The following ZNF521 variants were observed in gnomAD, a reference collection of about 807,000 sequenced individuals.
The protein encoded by ZNF521 is LYST-interacting protein 3.
In ZNF521, 14 loss-of-function variants were observed where a neutral mutation model predicts 105.5. The ratio of observed to expected loss-of-function variants is 0.13; its 90% CI spans 0.09 to 0.21. The LOEUF (loss-of-function observed/expected upper bound fraction) is 0.21, where lower values mean the gene tolerates loss of function less well. ZNF521 is among the 10% of genes least tolerant of loss of function. The pLI is 1.00. For synonymous variants in ZNF521, 635 were observed against 606.0 expected (o/e 1.05, Z -0.70); for missense variants, 1,233 against 1,629.7 (o/e 0.76, Z 4.19).
At chr18:25,317,897 G>A (rs988010589) in intron 3 of ZNF521, among the ~76,000 whole-genome samples, 3 of 152,088 alleles carry the variant, frequency 2.0e-5, no homozygotes, top group South Asian at 2.1e-4. Flanking sequence ...TTGAAAAAGG[G>A]TTTGGAAGTT....
At chr18:25,170,748 T>C (rs1034339334) in intron 5 of ZNF521, among the ~76,000 whole-genome samples, 1 of 152,158 alleles carries the variant, frequency 6.6e-6, no homozygotes, top group African/African-American at 2.4e-5. Context: ...TTGAAGGCCA[T>C]GCACATTTTT....
At chr18:25,294,458 G>A (rs1325255900) in intron 3 of ZNF521, among the ~76,000 whole-genome samples, 4 of 152,142 alleles carry the variant, frequency 2.6e-5, no homozygotes, top group African/African-American at 9.7e-5. Flanking sequence ...CTAGACACTA[G>A]TAGCAAACTC....
chr18:25,235,940 C>T (rs1906861763), intron 3 of ZNF521, among the ~76,000 whole-genome samples: 1 of 66,016 alleles, frequency 1.5e-5, no homozygotes. Flanking sequence ...CTACAATTAT[C>T]CATATGCCTT....
intron 2 of ZNF521, among the ~76,000 whole-genome samples, chr18:25,337,349 T>C (rs1913949734): frequency 6.6e-6 from 1 of 152,052 alleles, no homozygotes; most frequent in African/African-American, 2.4e-5. Flanking sequence ...GAGAAAAAAC[T>C]ACCACCCACA....
intron 2 of ZNF521, among the ~76,000 whole-genome samples, chr18:25,332,908 G>A (rs182240899): frequency 2.0e-5 from 3 of 152,244 alleles, no homozygotes; most frequent in Admixed American, 1.3e-4. Flanking sequence ...AAAAGTGAAC[G>A]TGTACGCCAT....
chr18:25,348,098 A>T (rs896060190), intron 2 of ZNF521, among the ~76,000 whole-genome samples: 1 of 152,234 alleles, frequency 6.6e-6, no homozygotes, highest in African/African-American at 2.4e-5. Context: ...TCAGTTATTC[A>T]TAAATGAAGA....
At chr18:25,250,579 T>C (rs750188470) in intron 3 of ZNF521, among the ~76,000 whole-genome samples, 9 of 152,230 alleles carry the variant, frequency 5.9e-5, no homozygotes, top group Non-Finnish European at 1.0e-4. Flanking sequence ...TAGAGATTAA[T>C]GTCTGTATGG....
At chr18:25,293,351 T>TACACACACAC (rs55818021) in intron 3 of ZNF521, among the ~76,000 whole-genome samples, 1,950 of 143,196 alleles carry the variant, frequency 0.014, 31 homozygotes, top group African/African-American at 0.046. Flanking sequence ...CATGTACACA[T>TACACACACAC]ACACACACAC....
At chr18:25,219,357 T>C (rs1392314984) in intron 4 of ZNF521, among the ~76,000 whole-genome samples, 1 of 152,042 alleles carries the variant, frequency 6.6e-6, no homozygotes, top group Non-Finnish European at 1.5e-5. Context: ...ACTGAGAAGA[T>C]CGATGGACCT....
chr18:25,230,170 T>C (rs1027343151), intron 3 of ZNF521, among the ~76,000 whole-genome samples: 2 of 152,196 alleles, frequency 1.3e-5, no homozygotes, highest in African/African-American at 4.8e-5. Flanking sequence ...TACTTGTCTT[T>C]GTAAAGGAAA....
At chr18:25,264,493 T>G (rs1002136439) in intron 3 of ZNF521, among the ~76,000 whole-genome samples, 1 of 152,212 alleles carries the variant, frequency 6.6e-6, no homozygotes. Flanking sequence ...TAAAATTATA[T>G]GATGATAATT....
intron 5 of ZNF521, among the ~76,000 whole-genome samples, chr18:25,141,104 A>G (rs1447153500): frequency 3.9e-5 from 6 of 152,216 alleles, no homozygotes; most frequent in Admixed American, 2.6e-4. Context: ...TGAAAGCTTA[A>G]CAATGACAAG....
At chr18:25,067,853 C>A (rs915149718) in intron 7 of ZNF521, among the ~76,000 whole-genome samples, 2 of 152,144 alleles carry the variant, frequency 1.3e-5, no homozygotes, top group Non-Finnish European at 1.5e-5. Flanking sequence ...CTGTTGGCAT[C>A]GGCAAAATGT....
At chr18:25,204,575 TA>T (rs1416321303) in intron 4 of ZNF521, among the ~76,000 whole-genome samples, 4 of 152,182 alleles carry the variant, frequency 2.6e-5, no homozygotes, top group Non-Finnish European at 4.4e-5. Flanking sequence ...ACTTTAAGTT[TA>T]AAATTAATAA....
rs575788137 is a variant in ZNF521, at chr18:25,170,905, C to T, written c.3658+24255G>A. Among the ~76,000 whole-genome samples the T allele has an allele frequency of 1.4e-3, 217 of 152,126 alleles. 1 individual carries two copies. Among genetic ancestry groups the T allele is most frequent in the African/African-American group, 5.0e-3 (209 of 41,520 alleles). ...GTTTTGTGTCCAAATAAATCAGTTGCTACCAGTGGATTTATTTATTGGGAC... is the reference window on the plus strand; with the variant it reads ...GTTTTGTGTCCAAATAAATCAGTTGTTACCAGTGGATTTATTTATTGGGAC... On this transcript the variant is annotated intron_variant, in intron 5 of 7. Coordinates refer to ENST00000361524, the MANE Select transcript of ZNF521 (RefSeq NM_015461.3).
chr18:25,308,659 C>CCCACCCG (rs1912126347), intron 3 of ZNF521, among the ~76,000 whole-genome samples: 1 of 144,998 alleles, frequency 6.9e-6, no homozygotes, highest in African/African-American at 2.6e-5. Context: ...TCCCCCCCCC[C>CCCACCCG]CCACCCGCCA....
intron 3 of ZNF521, among the ~76,000 whole-genome samples, chr18:25,296,373 C>A (rs575370315): frequency 2.0e-4 from 31 of 152,288 alleles, no homozygotes; most frequent in African/African-American, 7.2e-4. Context: ...CTTTTGCACA[C>A]TTTCAGCATC....
chr18:25,264,909 C>T (rs1909145115), intron 3 of ZNF521, among the ~76,000 whole-genome samples: 1 of 151,834 alleles, frequency 6.6e-6, no homozygotes, highest in Admixed American at 6.6e-5. Flanking sequence ...GAGAGAAACA[C>T]CAAGTATGGC....
chr18:25,117,584 C>CTT (rs2034354153), intron 5 of ZNF521, among the ~76,000 whole-genome samples: 1 of 151,836 alleles, frequency 6.6e-6, no homozygotes, highest in South Asian at 2.1e-4. Flanking sequence ...GAAAAATAGC[C>CTT]TATAAAAGGG....
Sources: allele counts gnomAD v4.1 joint callset (sites outside exome capture counted in the v4.1 genomes callset), GRCh38; gene constraint gnomAD v4.1.1; transcripts MANE v1.5; gene names NCBI Gene and HGNC (gene_info 2026-07-23, HGNC 2026-07-21).